PSMB11: variants seen among roughly 807,000 people sequenced by gnomAD.
PSMB11 encodes proteasome subunit beta 11.
For synonymous variants in PSMB11, 163 were observed against 167.7 expected (o/e 0.97, Z 0.22); for missense variants, 411 against 408.2 (o/e 1.01, Z -0.06).
In PSMB11 at chr14:23,043,615, C is replaced by A; in HGVS notation, c.*487C>A. 1 of 170,930 alleles carries A rather than the reference C, an allele frequency of 5.9e-6. No individual in the cohort carries two copies. The highest frequency in any genetic ancestry group is 1.4e-5 in the Non-Finnish European group (1 of 70,720). The allele number at this position is 170,930 out of a possible 1,614,324, so 10.6% of individuals were successfully genotyped here. Reference sequence around the variant, plus strand: ...TCAGAACGAGGCGTAGTGATAGACACCCTTTGGATGGTGATGGGCTTGTCT... The same window carrying A: ...TCAGAACGAGGCGTAGTGATAGACAACCTTTGGATGGTGATGGGCTTGTCT... On this transcript the variant is annotated 3_prime_UTR_variant, in exon 1 of 1. Transcript: ENST00000408907.
In PSMB11 at chr14:23,043,113, G is replaced by T; in HGVS notation, c.888G>T (p.Gly296=). The part of the protein sequence containing the change: ...VTPGDSRMPA[G]TETV ...CAGGAGACTCCAGGATGCCAGCAGGGACTGAGACGGTGTGAGAAGCAGGAC... is the reference window on the plus strand; with the variant it reads ...CAGGAGACTCCAGGATGCCAGCAGGTACTGAGACGGTGTGAGAAGCAGGAC... The change falls in exon 1 of 1, where the codon GGG becomes GGT. Residue 296 remains glycine, a synonymous_variant. Transcript: ENST00000408907. The T allele has an allele frequency of 4.3e-6, 7 of 1,609,390 alleles. No individual in the cohort carries two copies. Among genetic ancestry groups the T allele is most frequent in the Non-Finnish European group, 5.9e-6 (7 of 1,176,882 alleles).
At position 23,042,987 on chromosome 14, in the gene PSMB11, G is replaced by A. The variant is rs573657463; in HGVS notation, c.762G>A (p.Pro254=). The change falls in exon 1 of 1, where the codon CCG becomes CCA. Residue 254 remains proline, a synonymous_variant. Coordinates refer to ENST00000408907, the MANE Select transcript of PSMB11 (RefSeq NM_001099780.2). ...LYVELQKLLE[P]EPEEDASHAH... is the part of the protein sequence containing the mutation. ...TGGAGTTACAGAAGCTCCTGGAGCC[G>A]GAGCCAGAGGAGGATGCCAGCCATG... The A allele has an allele frequency of 4.8e-5, 77 of 1,614,042 alleles. 2 individuals are homozygous for A. The South Asian group carries it at 5.2e-4, about 11-fold the overall frequency.
At position 23,042,964 on chromosome 14, in the gene PSMB11, G is replaced by C. The variant is rs1450575395; in HGVS notation, c.739G>C (p.Glu247Gln). The C allele has an allele frequency of 1.2e-6, 2 of 1,614,188 alleles. No individual in the cohort carries two copies. Among genetic ancestry groups the C allele is most frequent in the South Asian group, 1.1e-5 (1 of 91,076 alleles). ...CAGTGATGCCTGTGTGCTGTACGTG[G>C]AGTTACAGAAGCTCCTGGAGCCGGA... is the stretch of plus-strand genomic sequence containing the variant. ...SRSDACVLYV[E>Q]LQKLLEPEPE... The change falls in exon 1 of 1, where the codon GAG (glutamate) becomes CAG (glutamine). Residue 247 changes from glutamate (E) to glutamine (Q), a missense_variant. Coordinates refer to ENST00000408907, the MANE Select transcript of PSMB11 (RefSeq NM_001099780.2).
rs1283868092 is a variant in PSMB11, at chr14:23,042,262, G to A, written c.37G>A (p.Asp13Asn). 1 of 1,601,498 alleles carries A rather than the reference G, an allele frequency of 6.2e-7. No individual in the cohort carries two copies. The highest frequency in any genetic ancestry group is 8.5e-7 in the Non-Finnish European group (1 of 1,173,448). ...LQDVCKWQSP[D>N]TQGPSPHLPR... ...GGATGTGTGCAAGTGGCAGTCCCCT[G>A]ACACCCAGGGACCATCACCTCACCT... Residue 13 changes from aspartate (D) to asparagine (N), a missense_variant, in exon 1 of 1, where the codon GAC (aspartate) becomes AAC (asparagine). By Grantham distance (23) the Asp-to-Asn change is conservative (BLOSUM62 1). Transcript: ENST00000408907.
At position 23,043,127 on chromosome 14, in the gene PSMB11, G is replaced by C; in HGVS notation, c.902G>C (p.Ter301SerextTer35). 1 of 1,603,312 alleles carries C rather than the reference G, an allele frequency of 6.2e-7. No individual in the cohort carries two copies. Among genetic ancestry groups the C allele is most frequent in the Non-Finnish European group, 8.5e-7 (1 of 1,173,064 alleles). ...SRMPAGTETV* is the reference protein window; with the variant it reads ...SRMPAGTETVS The stretch of plus-strand genomic sequence containing the variant: ...ATGCCAGCAGGGACTGAGACGGTGT[G>C]AGAAGCAGGACTTGGTTGGGGATGG... The change falls in exon 1 of 1, where the codon TGA (stop) becomes TCA (serine). Residue 301 changes from the stop codon to serine (S), a stop_lost. Coordinates refer to ENST00000408907, the MANE Select transcript of PSMB11 (RefSeq NM_001099780.2).
At position 23,043,933 on chromosome 14, in the gene PSMB11, G is replaced by A. The variant is rs2047027363; in HGVS notation, c.*805G>A. 6.0e-6 allele frequency: 1 copy of A among 167,230 alleles called. No individual in the cohort carries two copies. The highest frequency in any genetic ancestry group is 2.4e-5 in the African/African-American group (1 of 41,442). The allele number at this position is 167,230 out of a possible 1,614,324, so 10.4% of individuals were successfully genotyped here. A position where few individuals can be genotyped will look rare whatever the true frequency, so the allele number is the denominator to read the frequency against. ...AGGCTTCCGGAGAGGGATGTGGAGG[G>A]AGAAAGTAGCTAGGCCAGTCCCCTG... On this transcript the variant is annotated 3_prime_UTR_variant, in exon 1 of 1. Coordinates refer to ENST00000408907, the MANE Select transcript of PSMB11 (RefSeq NM_001099780.2).
Position 23,043,398 on chromosome 14 carries a change from C to G in PSMB11, c.*270C>G, listed in dbSNP as rs2047025118. 2.3e-6 allele frequency: 1 copy of G among 441,086 alleles called. No individual in the cohort carries two copies. Among genetic ancestry groups the G allele is most frequent in the South Asian group, 5.3e-5 (1 of 18,766 alleles). The allele number at this position is 441,086 out of a possible 1,614,324, so 27.3% of individuals were successfully genotyped here. The stretch of plus-strand genomic sequence containing the variant: ...TCATTCAACACTTGCAGTGTGCCTA[C>G]TGCATGCCAGACGCATGCTAGGTGC... On this transcript the variant is annotated 3_prime_UTR_variant, in exon 1 of 1. Coordinates refer to ENST00000408907, the MANE Select transcript of PSMB11 (RefSeq NM_001099780.2).
Position 23,042,714 on chromosome 14 carries a change from C to G in PSMB11, c.489C>G (p.Val163=). 6.2e-7 allele frequency: 1 copy of G among 1,613,206 alleles called. No homozygotes were observed. The highest frequency in any genetic ancestry group is 8.5e-7 in the Non-Finnish European group (1 of 1,179,960). The stretch of plus-strand genomic sequence containing the variant: ...GCTCTGGCCCTGAGCTCTTCTACGT[C>G]TATAGCGACGGCACCCGCCTGCAGG... ...WDRSGPELFY[V]YSDGTRLQGD... Residue 163 remains valine, a synonymous_variant, in exon 1 of 1, where the codon GTC becomes GTG. Coordinates refer to ENST00000408907, the MANE Select transcript of PSMB11 (RefSeq NM_001099780.2).
Position 23,043,193 on chromosome 14 carries a change from G to T in PSMB11, c.*65G>T, listed in dbSNP as rs1251664764. On this transcript the variant is annotated 3_prime_UTR_variant, in exon 1 of 1. Coordinates refer to ENST00000408907, the MANE Select transcript of PSMB11 (RefSeq NM_001099780.2). Reference sequence around the variant, plus strand: ...TGGGTGGGAGGATGGGCAGCAGGGGGAGGGTCCCGCTGGCAGCAGCCTCAC... The same window carrying T: ...TGGGTGGGAGGATGGGCAGCAGGGGTAGGGTCCCGCTGGCAGCAGCCTCAC... The T allele has an allele frequency of 3.4e-5, 42 of 1,235,228 alleles. No individual in the cohort carries two copies. Among genetic ancestry groups the T allele is most frequent in the Non-Finnish European group, 4.5e-6 (4 of 885,082 alleles). The allele number at this position is 1,235,228 out of a possible 1,614,324, so 76.5% of individuals were successfully genotyped here. A position where few individuals can be genotyped will look rare whatever the true frequency, so the allele number is the denominator to read the frequency against.
Position 23,042,361 on chromosome 14 carries a change from C to T in PSMB11, c.136C>T (p.Leu46=). The part of the protein sequence containing the change: ...QTFLQIHGPR[L]AHGTTTLAFR... ...CTTCCTGCAGATCCATGGCCCCAGA[C>T]TGGCCCACGGCACCACCACTCTGGC... The change falls in exon 1 of 1, where the codon CTG becomes TTG. Residue 46 remains leucine, a synonymous_variant. Transcript: ENST00000408907. 1 of 1,613,792 alleles carries T rather than the reference C, an allele frequency of 6.2e-7. No individual in the cohort carries two copies. The highest frequency in any genetic ancestry group is 8.5e-7 in the Non-Finnish European group (1 of 1,180,026).
At position 23,043,042 on chromosome 14, in the gene PSMB11, G is replaced by A. The variant is rs368107811; in HGVS notation, c.817G>A (p.Ala273Thr). The A allele has an allele frequency of 3.7e-6, 6 of 1,613,988 alleles. No homozygotes were observed. Among genetic ancestry groups the A allele is most frequent in the Middle Eastern group, 3.3e-4 (2 of 6,062 alleles). The change falls in exon 1 of 1, where the codon GCT (alanine) becomes ACT (threonine). Residue 273 changes from alanine (A) to threonine (T), a missense_variant. Coordinates refer to ENST00000408907, the MANE Select transcript of PSMB11 (RefSeq NM_001099780.2). ...TCCTGAGCCTGCCACTGCCCACAGA[G>A]CTGCAGAAGATAGAGAGCTCTCTGT... ...AHPEPATAHR[A>T]AEDRELSVGP...
chr14:23,043,336 A>G lies in PSMB11; in HGVS notation c.*208A>G, dbSNP rs1457632996. On this transcript the variant is annotated 3_prime_UTR_variant, in exon 1 of 1. Coordinates refer to ENST00000408907, the MANE Select transcript of PSMB11 (RefSeq NM_001099780.2). ...ACAAGTTCCTATTGACTCCCAGTGG[A>G]TTGGTCCAGCCTCCTTCTTGGCACC... 1.8e-6 allele frequency: 1 copy of G among 549,892 alleles called. No homozygotes were observed. The allele number at this position is 549,892 out of a possible 1,614,324, so 34.1% of individuals were successfully genotyped here.
Position 23,042,472 on chromosome 14 carries a change from G to T in PSMB11, c.247G>T (p.Val83Phe). Residue 83 changes from valine (V) to phenylalanine (F), a missense_variant, in exon 1 of 1, where the codon GTC becomes TTC. Physicochemically the swap from Val to Phe is conservative, Grantham distance 50. Transcript: ENST00000408907. ...SYVACPASCK[V>F]IPVHQHLLGT... ...TGTGGCGTGTCCAGCCTCATGCAAG[G>T]TCATCCCTGTGCACCAGCACCTCCT... The T allele has an allele frequency of 3.7e-6, 6 of 1,614,180 alleles. No individual in the cohort carries two copies. Among genetic ancestry groups the T allele is most frequent in the South Asian group, 1.1e-5 (1 of 91,088 alleles).
At position 23,042,476 on chromosome 14, in the gene PSMB11, T is replaced by A. The variant is rs778084561; in HGVS notation, c.251T>A (p.Ile84Asn). Residue 84 changes from isoleucine (I) to asparagine (N), a missense_variant, in exon 1 of 1, where the codon ATC (isoleucine) becomes AAC (asparagine). Ile to Asn is a moderately radical substitution (Grantham distance 149). Coordinates refer to ENST00000408907, the MANE Select transcript of PSMB11 (RefSeq NM_001099780.2). ...YVACPASCKV[I>N]PVHQHLLGTT... is the part of the protein sequence containing the mutation. ...GCGTGTCCAGCCTCATGCAAGGTCA[T>A]CCCTGTGCACCAGCACCTCCTGGGT... The A allele has an allele frequency of 1.2e-6, 2 of 1,614,170 alleles. No individual in the cohort carries two copies. Among genetic ancestry groups the A allele is most frequent in the African/African-American group, 1.3e-5 (1 of 75,064 alleles).
chr14:23,043,166 A>T lies in PSMB11; in HGVS notation c.*38A>T. 6.9e-7 allele frequency: 1 copy of T among 1,455,602 alleles called. No homozygotes were observed. Among genetic ancestry groups the T allele is most frequent in the Non-Finnish European group, 9.4e-7 (1 of 1,068,654 alleles). The allele number at this position is 1,455,602 out of a possible 1,614,324, so 90.2% of individuals were successfully genotyped here. A position where few individuals can be genotyped will look rare whatever the true frequency, so the allele number is the denominator to read the frequency against. On this transcript the variant is annotated 3_prime_UTR_variant, in exon 1 of 1. Transcript: ENST00000408907. ...GGTTGGGGATGGTGTAGGCCTGGGG[A>T]GTGGGTGGGAGGATGGGCAGCAGGG...
In PSMB11 at chr14:23,042,268, C is replaced by A. The variant is rs777045906; in HGVS notation, c.43C>A (p.Gln15Lys). ...DVCKWQSPDT[Q>K]GPSPHLPRAG... is the part of the protein sequence containing the mutation. The stretch of plus-strand genomic sequence containing the variant: ...GTGCAAGTGGCAGTCCCCTGACACC[C>A]AGGGACCATCACCTCACCTGCCTCG... Residue 15 changes from glutamine to lysine, a missense_variant, in exon 1 of 1, where the codon CAG becomes AAG. Gln to Lys is a moderately conservative substitution (Grantham distance 53). Coordinates refer to ENST00000408907, the MANE Select transcript of PSMB11 (RefSeq NM_001099780.2). The A allele has an allele frequency of 6.2e-7, 1 of 1,606,360 alleles. No individual in the cohort carries two copies. The highest frequency in any genetic ancestry group is 8.5e-7 in the Non-Finnish European group (1 of 1,176,060).
chr14:23,043,164 G>T lies in PSMB11; in HGVS notation c.*36G>T, dbSNP rs1447965193. 1 of 1,471,362 alleles carries T rather than the reference G, an allele frequency of 6.8e-7. No individual in the cohort carries two copies. Among genetic ancestry groups the T allele is most frequent in the Non-Finnish European group, 9.2e-7 (1 of 1,081,960 alleles). 91.1% of individuals were successfully genotyped at this position (1,471,362 alleles called of 1,614,324 possible). A position where few individuals can be genotyped will look rare whatever the true frequency, so the allele number is the denominator to read the frequency against. On this transcript the variant is annotated 3_prime_UTR_variant, in exon 1 of 1. Transcript: ENST00000408907. ...TTGGTTGGGGATGGTGTAGGCCTGG[G>T]GAGTGGGTGGGAGGATGGGCAGCAG...
rs751017177 is a variant in PSMB11 at position 23,042,452 on chromosome 14, C to A, written c.227C>A (p.Ala76Glu). 1.9e-6 allele frequency: 3 copies of A among 1,613,904 alleles called. No homozygotes were observed. The highest frequency in any genetic ancestry group is 2.2e-5 in the South Asian group (2 of 91,094). ...CGTTCCTCCTGTGGCAGCTATGTGG[C>A]GTGTCCAGCCTCATGCAAGGTCATC... Reference protein sequence around the residue: ...DTRSSCGSYVACPASCKVIPV... With the variant: ...DTRSSCGSYVECPASCKVIPV... Residue 76 changes from alanine to glutamate, a missense_variant, in exon 1 of 1, where the codon GCG becomes GAG. By Grantham distance (107) the Ala-to-Glu change is moderately radical (BLOSUM62 -1). Transcript: ENST00000408907.
Position 23,042,621 on chromosome 14 carries a change from G to A in PSMB11, c.396G>A (p.Leu132=). 6.2e-7 allele frequency: 1 copy of A among 1,614,156 alleles called. No individual in the cohort carries two copies. The highest frequency in any genetic ancestry group is 8.5e-7 in the Non-Finnish European group (1 of 1,180,036). ...LPSVASAAKL[L]SAMMSQYRGL... ...GTGTGGCCAGTGCTGCCAAGCTCTT[G>A]TCAGCCATGATGTCTCAATACCGGG... The change falls in exon 1 of 1, where the codon TTG becomes TTA. Residue 132 remains leucine (L), a synonymous_variant. Coordinates refer to ENST00000408907, the MANE Select transcript of PSMB11 (RefSeq NM_001099780.2).
Sources: allele counts gnomAD v4.1 joint callset, GRCh38; gene constraint gnomAD v4.1.1; transcripts MANE v1.5; gene names NCBI Gene and HGNC (gene_info 2026-07-23, HGNC 2026-07-21).